Variants in EVC observed in about 807,000 individuals in gnomAD.
EVC encodes the protein EvC ciliary complex subunit 1.
EVC carries 116 observed loss-of-function variants against 118.9 expected under a neutral mutation model. That is an observed-to-expected ratio of 0.98 (90% CI 0.84 to 1.14). The LOEUF (loss-of-function observed/expected upper bound fraction) is 1.14. Among genes scored for constraint, EVC ranks in the 50% most tolerant of loss-of-function variants. The pLI is 0.00. For missense variants in EVC, 1,401 were observed against 1,246.4 expected (o/e 1.12, Z -1.87); for synonymous variants, 619 against 534.7 (o/e 1.16, Z -2.18).
At chr4:5,823,159 C>G in the EVC span, among the ~76,000 whole-genome samples, 1 of 152,130 alleles carries the variant, frequency 6.6e-6, no homozygotes, top group Non-Finnish European at 1.5e-5. Flanking sequence ...AAGACACCAC[C>G]CCACTCCCTT....
chr4:5,716,842 G>C (rs553804251), intron 1 of EVC, among the ~76,000 whole-genome samples: 43 of 152,114 alleles, frequency 2.8e-4, no homozygotes, highest in Non-Finnish European at 5.4e-4. Flanking sequence ...CATGGTTGCT[G>C]TTGAGAAAAC....
chr4:5,811,115 G>C lies in EVC; in HGVS notation c.*78G>C. 8.5e-7 allele frequency: 1 copy of C among 1,174,770 alleles called. No individual in the cohort carries two copies. Among genetic ancestry groups the C allele is most frequent in the Non-Finnish European group, 1.2e-6 (1 of 800,528 alleles). 72.8% of individuals were successfully genotyped at this position (1,174,770 alleles called of 1,614,324 possible). A position where few individuals can be genotyped will look rare whatever the true frequency, so the allele number is the denominator to read the frequency against. On this transcript the variant is annotated 3_prime_UTR_variant, in exon 21 of 21. Transcript: ENST00000264956. ...TCCACCTTCCCTCCTGCAGTGCTGA[G>C]AGGCAGCGAGGACGGAGAGGACAGC...
chr4:5,759,395 G>A (rs934447922), intron 11 of EVC, among the ~76,000 whole-genome samples: 6 of 152,266 alleles, frequency 3.9e-5, no homozygotes, highest in African/African-American at 1.4e-4. Context: ...GGGCTGTGGA[G>A]CATAATGGTG....
intron 11 of EVC, among the ~76,000 whole-genome samples, chr4:5,757,126 C>A (rs1014851064): frequency 1.3e-5 from 2 of 152,292 alleles, no homozygotes; most frequent in South Asian, 2.1e-4. Flanking sequence ...AGTCATAATT[C>A]TTCTTCATGG....
intron 11 of EVC, among the ~76,000 whole-genome samples, chr4:5,768,008 C>G (rs1002376327): frequency 1.3e-5 from 2 of 151,978 alleles, no homozygotes; most frequent in African/African-American, 4.8e-5. Context: ...TTCATTCATT[C>G]GTTCATTCAT....
At chr4:5,794,307 TTATATATTTATA>T (rs1383813458) in intron 13 of EVC, among the ~76,000 whole-genome samples, 1 of 119,250 alleles carries the variant, frequency 8.4e-6, no homozygotes, top group African/African-American at 3.3e-5. Context: ...ATTTATATTT[TTATATATTTATA>T]TATATTTATA....
chr4:5,798,684 G>C lies in EVC; in HGVS notation c.2196G>C (p.Val732=), dbSNP rs1436333199. 5 of 1,604,928 alleles carry C rather than the reference G, an allele frequency of 3.1e-6. No individual in the cohort carries two copies. The highest frequency in any genetic ancestry group is 4.2e-6 in the Non-Finnish European group (5 of 1,177,486). ...GGCTCCTGGCCGAGGCCCAGGAGGT[G>C]GGGCAGCTTCTGCAGCAGCACATGG... is the stretch of plus-strand genomic sequence containing the variant. The part of the protein sequence containing the change: ...QQRLLAEAQE[V]GQLLQQHMEC... The change falls in exon 15 of 21, where the codon GTG becomes GTC. Residue 732 remains valine, a synonymous_variant. Transcript: ENST00000264956. This position sits in a 1 kb window ranked among gnomAD's most constrained non-coding sequence, Gnocchi z 4.1.
chr4:5,779,449 G>C (rs929492667), intron 11 of EVC, among the ~76,000 whole-genome samples: 1 of 150,058 alleles, frequency 6.7e-6, no homozygotes, highest in South Asian at 2.1e-4. Context: ...CCATTTTCAC[G>C]ATATTGATTC....
rs748792939 is a variant in EVC at position 5,783,569 on chromosome 4, C to T, written c.1581C>T (p.Thr527=). Residue 527 remains threonine (T), a synonymous_variant, in exon 12 of 21, where the codon ACC becomes ACT. Coordinates refer to ENST00000264956, the MANE Select transcript of EVC (RefSeq NM_153717.3). ...VALCQELYFS[T]VDTFQKFVDA... ...CGCTCCAGGAGCTGTACTTCAGCAC[C>T]GTGGACACTTTCCAGAAGTTCGTGG... 9.3e-6 allele frequency: 15 copies of T among 1,614,126 alleles called. No homozygotes were observed. Among genetic ancestry groups the T allele is most frequent in the East Asian group, 2.2e-5 (1 of 44,864 alleles).
At chr4:5,802,301 G>T (rs996610169) in intron 16 of EVC, among the ~76,000 whole-genome samples, 2 of 152,214 alleles carry the variant, frequency 1.3e-5, no homozygotes, top group African/African-American at 4.8e-5. Context: ...CACATCCAGT[G>T]CAGTGGGAGT....
chr4:5,723,370 T>C (rs1725286589), intron 2 of EVC, among the ~76,000 whole-genome samples: 1 of 151,896 alleles, frequency 6.6e-6, no homozygotes. Context: ...GTGTATTTTT[T>C]AGTAGAGGCG....
chr4:5,742,885 G>A lies in EVC; in HGVS notation c.801+1071G>A, dbSNP rs912861116. The stretch of plus-strand genomic sequence containing the variant: ...AGTGGTGTTAGACAGTAGTGTTTTA[G>A]TGAATGGTGCCACTCCTTGCGGAGC... On this transcript the variant is annotated intron_variant, in intron 6 of 20. Transcript: ENST00000264956. This position sits in a 1 kb window ranked among gnomAD's most constrained non-coding sequence, Gnocchi z 5.2. 6.6e-6 allele frequency among the ~76,000 whole-genome samples: 1 copy of A among 152,236 alleles called. No homozygotes were observed. Among genetic ancestry groups the A allele is most frequent in the African/African-American group, 2.4e-5 (1 of 41,456 alleles).
At chr4:5,716,487 G>T (rs2151819490) in intron 1 of EVC, among the ~76,000 whole-genome samples, 1 of 152,336 alleles carries the variant, frequency 6.6e-6, no homozygotes, top group Non-Finnish European at 1.5e-5. Context: ...CCCAGGAAGA[G>T]CTTTAGAACA....
At chr4:5,751,123 G>A (rs1021771605) in intron 8 of EVC, among the ~76,000 whole-genome samples, 2 of 152,182 alleles carry the variant, frequency 1.3e-5, no homozygotes, top group Non-Finnish European at 1.5e-5. Flanking sequence ...ACTCAGGGAG[G>A]CTCACTGTTC....
intron 11 of EVC, among the ~76,000 whole-genome samples, chr4:5,767,150 G>A (rs1023530277): frequency 1.5e-4 from 22 of 151,650 alleles, no homozygotes; most frequent in African/African-American, 4.6e-4. Context: ...GTCTGTTGGA[G>A]TACCCTGCTG....
At chr4:5,804,072 G>A (rs1460574602) in intron 16 of EVC, among the ~76,000 whole-genome samples, 1 of 151,890 alleles carries the variant, frequency 6.6e-6, no homozygotes, top group South Asian at 2.1e-4. Context: ...CAAGTAGCTG[G>A]GATTACAGAC....
intron 1 of EVC, among the ~76,000 whole-genome samples, chr4:5,716,856 T>C (rs1320346679): frequency 6.6e-6 from 1 of 152,154 alleles, no homozygotes; most frequent in Non-Finnish European, 1.5e-5. Context: ...AGAAAACTGA[T>C]TCTATTCTGA....
chr4:5,756,069 A>G lies in EVC; in HGVS notation c.1465-195A>G, dbSNP rs1731121345. 6.6e-6 allele frequency among the ~76,000 whole-genome samples: 1 copy of G among 152,064 alleles called. No homozygotes were observed. The highest frequency in any genetic ancestry group is 1.5e-5 in the Non-Finnish European group (1 of 68,004). ...GTGGTGGTTTGTGGTGTTTCCTGGA[A>G]ATCGGATTTGCTGACCCTGGCATCA... On this transcript the variant is annotated intron_variant, in intron 10 of 20. Coordinates refer to ENST00000264956, the MANE Select transcript of EVC (RefSeq NM_153717.3). The surrounding 1 kb of genome is among the most constrained non-coding windows in gnomAD (Gnocchi z 4.2).
chr4:5,758,399 T>C (rs1731515648), intron 11 of EVC: 1 of 384,972 alleles, frequency 2.6e-6, no homozygotes, highest in Non-Finnish European at 4.6e-6. Context: ...CTTAAGTGCC[T>C]CTTGAGTATT....
Sources: gnomAD v4.1 joint callset for allele counts (sites outside exome capture counted in the v4.1 genomes callset) on GRCh38, gnomAD v4.1.1 for gene constraint, Gnocchi (gnomAD v3.1) non-coding constraint, MANE v1.5 for transcripts, NCBI Gene and HGNC (gene_info 2026-07-23, HGNC 2026-07-21) for gene names.